Variants in MICU3 observed in about 807,000 individuals in gnomAD.
MICU3 encodes the protein mitochondrial calcium uptake 3.
MICU3 carries 62 observed loss-of-function variants against 66.5 expected under a neutral mutation model. The observed-to-expected ratio is 0.93, with a 90% CI of 0.76 to 1.15. The LOEUF is 1.15. Among genes scored for constraint, MICU3 ranks in the 50% most tolerant of loss-of-function variants. The pLI is 0.00. For missense variants in MICU3, 779 were observed against 664.4 expected (o/e 1.17, Z -1.90); for synonymous variants, 308 against 240.7 (o/e 1.28, Z -2.59).
At chr8:17,134,519 C>T in the MICU3 span, among the ~76,000 whole-genome samples, 2 of 151,994 alleles carry the variant, frequency 1.3e-5, no homozygotes, top group Non-Finnish European at 2.9e-5. Context: ...ATCTCTGCTC[C>T]CTGCAAGCTC....
rs147270855 is a variant in MICU3, at chr8:17,081,974, G to A, written c.694+234G>A. 55 of 311,308 alleles carry A rather than the reference G, an allele frequency of 1.8e-4. 2 individuals are homozygous for A. The highest frequency in any genetic ancestry group is 1.1e-3 in the African/African-American group (47 of 44,338). The allele number at this position is 311,308 out of a possible 1,614,324, so 19.3% of individuals were successfully genotyped here. A position where few individuals can be genotyped will look rare whatever the true frequency, so the allele number is the denominator to read the frequency against. ...TCATAAATTATAAATTTAATATTAC[G>A]TGTCAATTCTTGTGGTTTTAATCTA... On this transcript the variant is annotated intron_variant, in intron 5 of 14. Coordinates refer to ENST00000318063, the MANE Select transcript of MICU3 (RefSeq NM_181723.3).
At chr8:17,133,903 G>A in the MICU3 span, among the ~76,000 whole-genome samples, 1 of 152,142 alleles carries the variant, frequency 6.6e-6, no homozygotes, top group African/African-American at 2.4e-5. Flanking sequence ...GGCTGTTCTT[G>A]TAACTACATT....
chr8:17,077,231 T>G (rs1820509834), intron 3 of MICU3, among the ~76,000 whole-genome samples: 1 of 152,194 alleles, frequency 6.6e-6, no homozygotes, highest in Non-Finnish European at 1.5e-5. Flanking sequence ...CTCAGTACCC[T>G]TGTCTTTCTG....
At chr8:17,041,306 A>C (rs1055349832) in intron 1 of MICU3, among the ~76,000 whole-genome samples, 3 of 152,056 alleles carry the variant, frequency 2.0e-5, no homozygotes, top group Admixed American at 1.3e-4. Flanking sequence ...CATGGAAGTC[A>C]AAAAAAGGTA....
intron 6 of MICU3, among the ~76,000 whole-genome samples, chr8:17,086,068 A>G (rs891039241): frequency 6.6e-6 from 1 of 151,298 alleles, no homozygotes; most frequent in Non-Finnish European, 1.5e-5. Context: ...CTTTACCTAC[A>G]CTCTCCGAGT....
In MICU3 at chr8:17,086,984, A is replaced by T. The variant is rs751076440; in HGVS notation, c.798A>T (p.Lys266Asn). The T allele has an allele frequency of 6.2e-6, 10 of 1,605,174 alleles. No individual in the cohort carries two copies. ...GTCAGCTTCAAGAGATATTCAGGAA[A>T]AAAAATGAAAAGAGAGAAATTAAAG... ...EFLVLQEIFR[K>N]KNEKREIKGD... is the part of the protein sequence containing the mutation. Residue 266 changes from lysine (K) to asparagine (N), a missense_variant, in exon 7 of 15, where the codon AAA becomes AAT. Transcript: ENST00000318063.
At chr8:17,070,138 G>A (rs1819333128) in intron 3 of MICU3, among the ~76,000 whole-genome samples, 1 of 151,924 alleles carries the variant, frequency 6.6e-6, no homozygotes, top group Non-Finnish European at 1.5e-5. Context: ...CTGGTATCTA[G>A]CATATACCAG....
intron 8 of MICU3, among the ~76,000 whole-genome samples, chr8:17,094,316 C>G (rs1485964736): frequency 6.6e-6 from 1 of 151,788 alleles, no homozygotes; most frequent in African/African-American, 2.4e-5. Context: ...TATTGAGGAT[C>G]CAAAAGATAT....
chr8:17,067,570 C>T (rs540166876), intron 2 of MICU3, among the ~76,000 whole-genome samples: 5 of 152,190 alleles, frequency 3.3e-5, no homozygotes, highest in South Asian at 2.1e-4. Context: ...GCTGGGATTA[C>T]GGGCAGCTGC....
intron 1 of MICU3, among the ~76,000 whole-genome samples, chr8:17,047,987 C>A (rs1053044445): frequency 1.3e-5 from 2 of 152,084 alleles, no homozygotes; most frequent in Admixed American, 6.6e-5. Flanking sequence ...AAATAGTGAA[C>A]AACTGATACG....
At chr8:17,050,490 T>C (rs1002366948) in intron 1 of MICU3, among the ~76,000 whole-genome samples, 1 of 152,142 alleles carries the variant, frequency 6.6e-6, no homozygotes, top group African/African-American at 2.4e-5. Context: ...TCAGTTTATA[T>C]AGTCCCTGTT....
chr8:17,106,200 A>C (rs11989609), intron 11 of MICU3, among the ~76,000 whole-genome samples: 83,877 of 151,714 alleles, frequency 0.55, 25,659 homozygotes, highest in African/African-American at 0.83. Context: ...CCTCTTCAAG[A>C]GTGGGATGTT....
intron 1 of MICU3, among the ~76,000 whole-genome samples, chr8:17,037,115 G>C (rs10104408): frequency 6.6e-6 from 1 of 151,924 alleles, no homozygotes; most frequent in Non-Finnish European, 1.5e-5. Flanking sequence ...CTCCGACTGC[G>C]GGGCCTGCCA....
intron 10 of MICU3, 34 bp from the exon 11 acceptor site, chr8:17,105,379 A>G: frequency 7.6e-7 from 1 of 1,320,608 alleles, no homozygotes; most frequent in Non-Finnish European, 1.0e-6. Context: ...CTCTTTCTTT[A>G]TCTTTTTCCT....
At chr8:17,058,617 C>G (rs1817349317) in intron 1 of MICU3, among the ~76,000 whole-genome samples, 1 of 151,940 alleles carries the variant, frequency 6.6e-6, no homozygotes, top group Non-Finnish European at 1.5e-5. Context: ...AGTTCAGAAG[C>G]AAAGCTCAAT....
At chr8:17,135,614 C>T in the MICU3 span, among the ~76,000 whole-genome samples, 1 of 152,018 alleles carries the variant, frequency 6.6e-6, no homozygotes, top group East Asian at 1.9e-4. Context: ...GCTTCTATTT[C>T]TATCTTCTGT....
chr8:17,027,938 A>C (rs1811310560), intron 1 of MICU3, among the ~76,000 whole-genome samples: 1 of 152,074 alleles, frequency 6.6e-6, no homozygotes, highest in South Asian at 2.1e-4. Context: ...CCCCTCTTAC[A>C]AAAAAAGATT....
intron 6 of MICU3, among the ~76,000 whole-genome samples, chr8:17,086,073 C>G (rs570560560): frequency 6.6e-6 from 1 of 152,148 alleles, no homozygotes; most frequent in African/African-American, 2.4e-5. Context: ...CCTACACTCT[C>G]CGAGTAAAAA....
chr8:17,078,845 G>C (rs951891849), intron 4 of MICU3, among the ~76,000 whole-genome samples: 1 of 151,906 alleles, frequency 6.6e-6, no homozygotes, highest in African/African-American at 2.4e-5. Context: ...AGAAACCTAG[G>C]CCAAAGTGTC....
Sources: gnomAD v4.1 joint callset for allele counts (sites outside exome capture counted in the v4.1 genomes callset) on GRCh38, gnomAD v4.1.1 for gene constraint, MANE v1.5 for transcripts, NCBI Gene and HGNC (gene_info 2026-07-23, HGNC 2026-07-21) for gene names.